Variants in PARD3B observed in about 807,000 individuals in gnomAD.
The protein encoded by PARD3B is partitioning defective 3 homolog B.
A neutral mutation model predicts 130.2 loss-of-function variants in PARD3B; 103 were observed. That is an observed-to-expected ratio of 0.79 (90% CI 0.67 to 0.93). The LOEUF (loss-of-function observed/expected upper bound fraction) is 0.93. PARD3B is among the 40% of genes least tolerant of loss of function. The pLI is 0.00. For synonymous variants in PARD3B, 583 were observed against 553.2 expected, an observed-to-expected ratio of 1.05 and a Z score of -0.76; for missense variants, 1,609 against 1,499.2, an observed-to-expected ratio of 1.07 and a Z score of -1.21.
At chr2:205,360,105 A>G (rs554303366) in intron 18 of PARD3B, among the ~76,000 whole-genome samples, 377 of 152,310 alleles carry the variant, frequency 2.5e-3, no homozygotes, top group Non-Finnish European at 4.1e-3. Context: ...ATTTGAATGC[A>G]TATCAAGTTG....
intron 20 of PARD3B, among the ~76,000 whole-genome samples, chr2:205,444,872 A>C (rs1238221742): frequency 1.3e-5 from 2 of 152,230 alleles, no homozygotes; most frequent in African/African-American, 2.4e-5. Flanking sequence ...AATAAGGACT[A>C]AAAAGAGGGC....
In PARD3B at chr2:204,613,010, A is replaced by T. The variant is rs73984253; in HGVS notation, c.120+66891A>T. ...TTTTGTATTAGTATGATGATAAAAT[A>T]TTGTTGAAAGCTGAGTCACACAGGA... On this transcript the variant is annotated intron_variant, in intron 1 of 22. Transcript: ENST00000406610. Among the ~76,000 whole-genome samples, 516 of 152,168 alleles carry T rather than the reference A, an allele frequency of 3.4e-3. 3 individuals are homozygous for T. Among genetic ancestry groups the T allele is most frequent in the African/African-American group, 0.012 (496 of 41,520 alleles).
chr2:204,638,593 G>C (rs2034968393), intron 1 of PARD3B, among the ~76,000 whole-genome samples: 1 of 152,092 alleles, frequency 6.6e-6, no homozygotes, highest in Non-Finnish European at 1.5e-5. Flanking sequence ...ACATTTTATA[G>C]AGTACTAATA....
intron 16 of PARD3B, among the ~76,000 whole-genome samples, chr2:205,283,388 G>A (rs943757874): frequency 2.0e-5 from 3 of 152,116 alleles, no homozygotes; most frequent in African/African-American, 4.8e-5. Context: ...GGGCTCAAGG[G>A]TTCCTCCTGC....
intron 22 of PARD3B, among the ~76,000 whole-genome samples, chr2:205,588,043 G>C (rs1559245978): frequency 6.6e-6 from 1 of 152,190 alleles, no homozygotes; most frequent in South Asian, 2.1e-4. Context: ...ATTTAAGGCA[G>C]AACAGGAAGG....
intron 4 of PARD3B, among the ~76,000 whole-genome samples, chr2:205,059,647 C>T (rs1699948947): frequency 6.6e-6 from 1 of 152,024 alleles, no homozygotes; most frequent in Non-Finnish European, 1.5e-5. Context: ...AATCTAGAAA[C>T]TTGTAGGTGG....
chr2:205,594,746 G>A (rs988298768), intron 22 of PARD3B, among the ~76,000 whole-genome samples: 1 of 152,176 alleles, frequency 6.6e-6, no homozygotes, highest in Non-Finnish European at 1.5e-5. Flanking sequence ...GGATGGGAGT[G>A]TATAAAAATG....
chr2:205,151,678 G>A (rs530415258), intron 10 of PARD3B, among the ~76,000 whole-genome samples: 1 of 152,122 alleles, frequency 6.6e-6, no homozygotes, highest in Non-Finnish European at 1.5e-5. Flanking sequence ...GTCTCTGCAT[G>A]TGAGATGGGT....
chr2:204,745,702 C>T (rs987326954), intron 2 of PARD3B, among the ~76,000 whole-genome samples: 4 of 151,980 alleles, frequency 2.6e-5, no homozygotes, highest in African/African-American at 7.2e-5. Context: ...CATGCCTGGC[C>T]GATACTACCA....
intron 22 of PARD3B, among the ~76,000 whole-genome samples, chr2:205,597,846 G>T (rs932605002): frequency 6.6e-6 from 1 of 152,150 alleles, no homozygotes; most frequent in East Asian, 1.9e-4. Context: ...TTAAAGAAAA[G>T]AAATTCCAAC....
At chr2:205,175,731 GA>G (rs917134144) in intron 12 of PARD3B, among the ~76,000 whole-genome samples, 8 of 150,628 alleles carry the variant, frequency 5.3e-5, no homozygotes, top group East Asian at 2.0e-4. Flanking sequence ...AACCTTTTTG[GA>G]AAAAAAAATA....
intron 2 of PARD3B, among the ~76,000 whole-genome samples, chr2:204,755,154 T>G (rs2040613121): frequency 6.6e-6 from 1 of 152,178 alleles, no homozygotes; most frequent in East Asian, 1.9e-4. Context: ...GGCACTAAAT[T>G]TAAATTGACA....
chr2:205,301,384 A>G lies in PARD3B; in HGVS notation c.2393-80A>G, dbSNP rs933222702. The G allele has an allele frequency of 1.9e-5, 29 of 1,534,810 alleles. No individual in the cohort carries two copies. In the Admixed American group the frequency reaches 5.9e-4, roughly 31 times the overall value. On this transcript the variant is annotated intron_variant, in intron 17 of 22. Transcript: ENST00000406610. This position sits in a 1 kb window ranked among gnomAD's most constrained non-coding sequence, Gnocchi z 5.2. ...AGAGTGCTGTTATTCATTCTTTTGC[A>G]TTTTACATGTTAGCGTTTCTCTGTA...
At chr2:205,380,941 T>TTATATGTAATATATAA (rs2045383705) in intron 18 of PARD3B, among the ~76,000 whole-genome samples, 1 of 70,468 alleles carries the variant, frequency 1.4e-5, no homozygotes, top group African/African-American at 8.4e-5. Flanking sequence ...AAAGAATATA[T>TTATATGTAATATATAA]ATAATATATA....
rs777801407 is a variant in PARD3B, at chr2:205,618,836, C to T, written c.*3023C>T. 7.2e-5 allele frequency: 11 copies of T among 152,160 alleles called. No individual in the cohort carries two copies. Among genetic ancestry groups the T allele is most frequent in the African/African-American group, 1.7e-4 (7 of 41,424 alleles). 9.4% of individuals were successfully genotyped at this position (152,160 alleles called of 1,614,324 possible). A position where few individuals can be genotyped will look rare whatever the true frequency, so the allele number is the denominator to read the frequency against. On this transcript the variant is annotated 3_prime_UTR_variant, in exon 23 of 23. Transcript: ENST00000406610. ...GGCACTCTCACCCTTGCCATAATAC[C>T]GTTTCCTAACAATATCAAATCAGTG...
chr2:205,527,280 G>C (rs2051378865), intron 21 of PARD3B, among the ~76,000 whole-genome samples: 1 of 152,108 alleles, frequency 6.6e-6, no homozygotes, highest in Admixed American at 6.6e-5. Flanking sequence ...AATCTTGTCA[G>C]TACAACCTAA....
At chr2:205,428,118 C>A (rs141207779) in intron 19 of PARD3B, among the ~76,000 whole-genome samples, 2 of 151,926 alleles carry the variant, frequency 1.3e-5, no homozygotes, top group African/African-American at 2.4e-5. Flanking sequence ...GAGTGTGGCT[C>A]ACACCTGTAA....
intron 21 of PARD3B, among the ~76,000 whole-genome samples, chr2:205,500,438 A>G (rs2050117094): frequency 6.6e-6 from 1 of 152,170 alleles, no homozygotes; most frequent in Non-Finnish European, 1.5e-5. Context: ...TTGTTTGTTT[A>G]TTGGATCTGA....
intron 3 of PARD3B, among the ~76,000 whole-genome samples, chr2:205,036,309 A>G (rs1241627492): frequency 1.4e-5 from 2 of 147,392 alleles, no homozygotes; most frequent in Non-Finnish European, 3.0e-5. Flanking sequence ...ATATAAAAAT[A>G]TATGTATATA....
Sources: allele counts gnomAD v4.1 joint callset (sites outside exome capture counted in the v4.1 genomes callset), GRCh38; gene constraint gnomAD v4.1.1; non-coding constraint Gnocchi (gnomAD v3.1); transcripts MANE v1.5; gene names NCBI Gene and HGNC (gene_info 2026-07-23, HGNC 2026-07-21).